MPC2: variants seen among roughly 807,000 people sequenced by gnomAD.
MPC2 encodes mitochondrial pyruvate carrier 2.
Under a neutral mutation model 19.2 loss-of-function variants are expected in MPC2, and 19 were observed. The ratio of observed to expected loss-of-function variants is 0.99; its 90% CI spans 0.69 to 1.45. The LOEUF is 1.45. Among genes scored for constraint, MPC2 ranks in the 40% most tolerant of loss-of-function variants. MPC2 has a pLI of 0.00. For synonymous variants in MPC2, 61 were observed against 54.3 expected (o/e 1.12, Z -0.54); for missense variants, 122 against 153.0 (o/e 0.80, Z 1.07).
intron 1 of MPC2, 38 bp downstream of exon 1, chr1:167,936,901 C>T (rs1305958116): frequency 7.5e-6 from 12 of 1,591,002 alleles, no homozygotes; most frequent in Non-Finnish European, 1.0e-5. Context: ...CCACCCGGCT[C>T]AGGCAGAGCC....
intron 3 of MPC2, among the ~76,000 whole-genome samples, chr1:167,921,720 G>T (rs916116789): frequency 5.3e-5 from 8 of 150,752 alleles, no homozygotes; most frequent in South Asian, 2.1e-4. Flanking sequence ...TTAATAAATT[G>T]TTTTTTTTTA....
At chr1:167,925,442 C>CGTATATATATATATAT (rs1553200802) in intron 2 of MPC2, among the ~76,000 whole-genome samples, 17 of 82,454 alleles carry the variant, frequency 2.1e-4, no homozygotes, top group Non-Finnish European at 2.5e-4. Context: ...TACATATACA[C>CGTATATATATATATAT]ATATATATAT....
At chr1:167,920,143 C>A in intron 4 of MPC2, 53 bp from the exon 5 acceptor site, 1 of 1,097,614 alleles carries the variant, frequency 9.1e-7, no homozygotes, top group Non-Finnish European at 1.4e-6. Flanking sequence ...TCAATAACTT[C>A]AGTGAATACT....
intron 3 of MPC2, among the ~76,000 whole-genome samples, chr1:167,921,825 AT>A (rs1223065807): frequency 2.6e-5 from 4 of 152,214 alleles, no homozygotes; most frequent in African/African-American, 9.7e-5. Flanking sequence ...CAAATAAAAG[AT>A]TTAGCTTTAA....
intron 2 of MPC2, among the ~76,000 whole-genome samples, chr1:167,930,676 T>G (rs980064302): frequency 6.6e-6 from 1 of 152,186 alleles, no homozygotes; most frequent in African/African-American, 2.4e-5. Context: ...TGTCTTACAC[T>G]CAGGAGAGTT....
intron 1 of MPC2, chr1:167,936,626 C>A: frequency 2.7e-6 from 1 of 367,706 alleles, no homozygotes; most frequent in South Asian, 3.2e-5. Flanking sequence ...CCATCGCCTC[C>A]GCCTCCGCCT....
intron 3 of MPC2, among the ~76,000 whole-genome samples, chr1:167,924,110 C>T (rs1311107355): frequency 6.6e-6 from 1 of 152,166 alleles, no homozygotes; most frequent in Non-Finnish European, 1.5e-5. Context: ...TTGAGAGTAA[C>T]TTTCCTCACC....
At chr1:167,924,651 C>T in intron 2 of MPC2, 114 bp from the exon 3 acceptor site, 1 of 706,518 alleles carries the variant, frequency 1.4e-6, no homozygotes, top group African/African-American at 1.8e-5. Context: ...TATTTTTAAC[C>T]ACTTTTACTA....
chr1:167,932,123 T>C (rs1670928771), intron 2 of MPC2, among the ~76,000 whole-genome samples: 2 of 152,326 alleles, frequency 1.3e-5, no homozygotes, highest in South Asian at 4.1e-4. Context: ...TAAAATGATA[T>C]GGTTCAGATA....
rs2301459 is a variant in MPC2 at position 167,933,491 on chromosome 1, G to A, written c.109+2242C>T. Among the ~76,000 whole-genome samples the A allele has an allele frequency of 3.9e-4, 59 of 152,214 alleles. 1 individual carries two copies. The East Asian group carries it at 0.011, about 28-fold the overall frequency. On this transcript the variant is annotated intron_variant, in intron 2 of 5. Coordinates refer to ENST00000271373, the MANE Select transcript of MPC2 (RefSeq NM_001143674.4). ...TAAAAACACATTCTTGTTACCTGTC[G>A]AGACATACAGTGTCAGTGATAAAAT... is the stretch of plus-strand genomic sequence containing the variant.
intron 1 of MPC2, chr1:167,936,366 T>C (rs1427287095): frequency 5.5e-6 from 1 of 180,762 alleles, no homozygotes; most frequent in African/African-American, 2.4e-5. Context: ...TGCCTAAAGA[T>C]GATGCCGCAC....
At position 167,932,000 on chromosome 1, in the gene MPC2, T is replaced by C. The variant is rs185759645; in HGVS notation, c.109+3733A>G. 1.7e-3 allele frequency among the ~76,000 whole-genome samples: 262 copies of C among 152,330 alleles called. 3 individuals carry two copies. Among genetic ancestry groups the C allele is most frequent in the Non-Finnish European group, 1.9e-3 (128 of 68,026 alleles). ...GGAACCCATGTAATGTTAAGAATGATATTCTCAGCACCAGCACATTAAGCA... is the reference window on the plus strand; with the variant it reads ...GGAACCCATGTAATGTTAAGAATGACATTCTCAGCACCAGCACATTAAGCA... On this transcript the variant is annotated intron_variant, in intron 2 of 5. Transcript: ENST00000271373.
intron 3 of MPC2, among the ~76,000 whole-genome samples, chr1:167,921,073 A>C (rs1202793958): frequency 6.6e-6 from 1 of 152,116 alleles, no homozygotes; most frequent in Admixed American, 6.6e-5. Flanking sequence ...TGCCAATGTT[A>C]TCATTTTTAA....
intron 2 of MPC2, among the ~76,000 whole-genome samples, chr1:167,933,213 G>A (rs375926857): frequency 2.0e-5 from 3 of 150,746 alleles, no homozygotes; most frequent in African/African-American, 7.3e-5. Flanking sequence ...CTGTTGCCAG[G>A]CTGGAGTGCA....
chr1:167,927,904 C>G (rs942830432), intron 2 of MPC2, among the ~76,000 whole-genome samples: 3 of 152,174 alleles, frequency 2.0e-5, no homozygotes, highest in Non-Finnish European at 4.4e-5. Context: ...TTTAGTTTAA[C>G]AACTGCTATG....
intron 3 of MPC2, among the ~76,000 whole-genome samples, 180 bp from the exon 4 acceptor site, chr1:167,920,811 C>T (rs1270128826): frequency 1.3e-5 from 2 of 152,110 alleles, no homozygotes; most frequent in Non-Finnish European, 2.9e-5. Context: ...TAAAAAACTG[C>T]TTTTTGAACT....
intron 2 of MPC2, among the ~76,000 whole-genome samples, chr1:167,924,996 T>C (rs1670696565): frequency 6.6e-6 from 1 of 152,176 alleles, no homozygotes; most frequent in Non-Finnish European, 1.5e-5. Flanking sequence ...AAAATGGCAG[T>C]TGCTTCCCTC....
At chr1:167,920,726 T>C in intron 3 of MPC2, 95 bp from the exon 4 acceptor site, 1 of 1,213,812 alleles carries the variant, frequency 8.2e-7, no homozygotes, top group South Asian at 1.7e-5. Context: ...GAGATTTCCG[T>C]AAGTTAGCAG....
chr1:167,920,592 C>T lies in MPC2; in HGVS notation c.190G>A (p.Ala64Thr), dbSNP rs750256868. Residue 64 changes from alanine (A) to threonine (T), a missense_variant, in exon 4 of 6, where the codon GCA (alanine) becomes ACA (threonine). Transcript: ENST00000271373. ...GATTGAGCTGTGCTAAGTTTTTCTGCAGGTCTGGCCATATCAGCCAATCCA... is the reference window on the plus strand; with the variant it reads ...GATTGAGCTGTGCTAAGTTTTTCTGTAGGTCTGGCCATATCAGCCAATCCA... Reference protein sequence around the residue: ...CAGLADMARPAEKLSTAQSAV... With the variant: ...CAGLADMARPTEKLSTAQSAV... 51 of 1,613,960 alleles carry T rather than the reference C, an allele frequency of 3.2e-5. No homozygotes were observed. The highest frequency in any genetic ancestry group is 4.2e-5 in the Non-Finnish European group (49 of 1,179,922).
Sources: gnomAD v4.1 joint callset for allele counts (sites outside exome capture counted in the v4.1 genomes callset) on GRCh38, gnomAD v4.1.1 for gene constraint, MANE v1.5 for transcripts, NCBI Gene and HGNC (gene_info 2026-07-23, HGNC 2026-07-21) for gene names.